NALF1: variants seen among roughly 807,000 people sequenced by gnomAD.
The protein encoded by NALF1 is NALCN channel auxiliary factor 1.
A neutral mutation model predicts 48.4 loss-of-function variants in NALF1; 3 were observed. The observed-to-expected ratio is 0.06, with a 90% CI of 0.03 to 0.16. NALF1 has a LOEUF of 0.16. NALF1 is among the 10% of genes least tolerant of loss of function. NALF1 has a pLI of 1.00. For synonymous variants in NALF1, 262 were observed against 245.7 expected (o/e 1.07, Z -0.62); for missense variants, 526 against 571.5 (o/e 0.92, Z 0.81).
intron 1 of NALF1, among the ~76,000 whole-genome samples, chr13:107,519,560 T>C (rs1031627953): frequency 1.3e-5 from 2 of 152,112 alleles, no homozygotes; most frequent in African/African-American, 2.4e-5. Flanking sequence ...CTGTCCATTA[T>C]TATGAAGGCA....
intron 1 of NALF1, among the ~76,000 whole-genome samples, chr13:107,567,142 G>A (rs1877835827): frequency 6.6e-6 from 1 of 152,038 alleles, no homozygotes; most frequent in Non-Finnish European, 1.5e-5. Context: ...CCTTATATGT[G>A]ATAACGTAGT....
chr13:107,828,016 T>A (rs918159902), intron 1 of NALF1, among the ~76,000 whole-genome samples: 1 of 152,168 alleles, frequency 6.6e-6, no homozygotes, highest in Non-Finnish European at 1.5e-5. Flanking sequence ...AGAACCTACT[T>A]CTACCCTGAA....
At chr13:107,392,318 T>C (rs1205739176) in intron 1 of NALF1, among the ~76,000 whole-genome samples, 1 of 152,086 alleles carries the variant, frequency 6.6e-6, no homozygotes, top group East Asian at 1.9e-4. Flanking sequence ...CCAGCACAAC[T>C]GCTTGGTTCT....
intron 1 of NALF1, among the ~76,000 whole-genome samples, chr13:107,412,654 A>T (rs1397715109): frequency 2.6e-5 from 4 of 152,212 alleles, no homozygotes; most frequent in Admixed American, 1.3e-4. Context: ...TGTCACTGTC[A>T]TATTATGTTA....
chr13:107,238,502 G>C (rs1015229288), intron 1 of NALF1, among the ~76,000 whole-genome samples: 2 of 152,174 alleles, frequency 1.3e-5, no homozygotes, highest in African/African-American at 4.8e-5. Context: ...TCAGTCCACT[G>C]AAGAGTGTGA....
At chr13:107,295,491 T>G in intron 1 of NALF1, among the ~76,000 whole-genome samples, 1 of 152,210 alleles carries the variant, frequency 6.6e-6, no homozygotes, top group Non-Finnish European at 1.5e-5. Flanking sequence ...TGGTAGTGTC[T>G]CTCAGGTGCC....
intron 1 of NALF1, among the ~76,000 whole-genome samples, chr13:107,512,293 C>T (rs769963296): frequency 1.3e-5 from 2 of 152,166 alleles, no homozygotes; most frequent in Non-Finnish European, 2.9e-5. Context: ...ACTCTGGAGG[C>T]TGAGGCAGGA....
intron 1 of NALF1, among the ~76,000 whole-genome samples, chr13:107,783,629 G>A (rs916353333): frequency 6.6e-6 from 1 of 152,036 alleles, no homozygotes; most frequent in Non-Finnish European, 1.5e-5. Context: ...TAAGGGCGGT[G>A]CAAGATGTGC....
intron 1 of NALF1, among the ~76,000 whole-genome samples, chr13:107,472,058 G>T (rs1317963015): frequency 6.6e-6 from 1 of 152,170 alleles, no homozygotes; most frequent in South Asian, 2.1e-4. Flanking sequence ...ATAGCCAGGC[G>T]CATTGGCTCA....
At chr13:107,593,591 C>G (rs963553373) in intron 1 of NALF1, among the ~76,000 whole-genome samples, 2 of 151,882 alleles carry the variant, frequency 1.3e-5, no homozygotes, top group African/African-American at 2.4e-5. Flanking sequence ...TCTATCTCCC[C>G]AAATTTTGTC....
At chr13:107,267,911 A>T (rs1318282335) in intron 1 of NALF1, among the ~76,000 whole-genome samples, 1 of 151,970 alleles carries the variant, frequency 6.6e-6, no homozygotes, top group Non-Finnish European at 1.5e-5. Context: ...ACAGAGCCAG[A>T]TGATGTGAGA....
chr13:107,434,562 A>C (rs183940483), intron 1 of NALF1, among the ~76,000 whole-genome samples: 93 of 152,344 alleles, frequency 6.1e-4, no homozygotes, highest in African/African-American at 2.1e-3. Flanking sequence ...AACAGCAATA[A>C]ATGCTCACAG....
chr13:107,594,570 A>T (rs190551889), intron 1 of NALF1, among the ~76,000 whole-genome samples: 1 of 152,186 alleles, frequency 6.6e-6, no homozygotes, highest in African/African-American at 2.4e-5. Context: ...ACTGTCCTTC[A>T]AAGAAACCTA....
chr13:107,650,182 A>C (rs1320232290), intron 1 of NALF1, among the ~76,000 whole-genome samples: 1 of 152,028 alleles, frequency 6.6e-6, no homozygotes, highest in East Asian at 1.9e-4. Flanking sequence ...TTATCTGATA[A>C]GGTAAAGTCA....
intron 1 of NALF1, among the ~76,000 whole-genome samples, chr13:107,315,946 G>A (rs920581211): frequency 4.0e-5 from 6 of 151,394 alleles, no homozygotes; most frequent in South Asian, 2.1e-4. Flanking sequence ...TGTGCACAAC[G>A]TGCAGGTTTG....
chr13:107,259,947 C>T (rs1246633451), intron 1 of NALF1, among the ~76,000 whole-genome samples: 1 of 152,224 alleles, frequency 6.6e-6, no homozygotes, highest in Non-Finnish European at 1.5e-5. Context: ...CTCTGCTTTA[C>T]TGTCATTACT....
chr13:107,763,925 T>C (rs928479812), intron 1 of NALF1, among the ~76,000 whole-genome samples: 13 of 152,172 alleles, frequency 8.5e-5, no homozygotes, highest in African/African-American at 3.1e-4. Context: ...TTTCTTCCTG[T>C]TACTTTGCAT....
chr13:107,713,934 C>T (rs1875674386), intron 1 of NALF1, among the ~76,000 whole-genome samples: 2 of 151,892 alleles, frequency 1.3e-5, no homozygotes, highest in Admixed American at 6.6e-5. Flanking sequence ...TGTTATTAAA[C>T]GATTAAATAA....
intron 1 of NALF1, among the ~76,000 whole-genome samples, chr13:107,452,153 G>A (rs754846233): frequency 6.6e-6 from 1 of 151,888 alleles, no homozygotes. Flanking sequence ...TCAGCTCTTT[G>A]TGCTTAGCCC....
Sources: allele counts gnomAD v4.1 joint callset (sites outside exome capture counted in the v4.1 genomes callset), GRCh38; gene constraint gnomAD v4.1.1; transcripts MANE v1.5; gene names NCBI Gene and HGNC (gene_info 2026-07-23, HGNC 2026-07-21).